Variants in KSR1 observed in about 807,000 individuals in gnomAD.
The protein encoded by KSR1 is kinase suppressor of ras.
A neutral mutation model predicts 92.9 loss-of-function variants in KSR1; 35 were observed. That is an observed-to-expected ratio of 0.38 (90% CI 0.29 to 0.50). The LOEUF is 0.50. Among genes scored for constraint, KSR1 ranks in the 20% least tolerant of loss-of-function variants. The pLI, the probability that KSR1 is intolerant of heterozygous loss-of-function variation, is 0.94. For synonymous variants in KSR1, 467 were observed against 472.6 expected, an observed-to-expected ratio of 0.99 and a Z score of 0.15; for missense variants, 972 against 1,158.5, an observed-to-expected ratio of 0.84 and a Z score of 2.34.
rs767301650 is a variant in KSR1 at position 27,605,556 on chromosome 17, G to A, written c.1737G>A (p.Val579=). 4 of 1,594,792 alleles carry A rather than the reference G, an allele frequency of 2.5e-6. No individual in the cohort carries two copies. The highest frequency in any genetic ancestry group is 3.5e-5 in the Admixed American group (2 of 56,838). Residue 579 remains valine, a synonymous_variant, in exon 14 of 21, where the codon GTG becomes GTA. Coordinates refer to ENST00000644974, the MANE Select transcript of KSR1 (RefSeq NM_001394583.1). ...CTCGCAAGGCCAGCCAGACCAGCGT[G>A]TACCTGCAGGAGTGGGACATCCCCT... ...PISRKASQTS[V]YLQEWDIPFE...
chr17:27,486,630 C>T (rs775373931), intron 1 of KSR1, among the ~76,000 whole-genome samples: 1 of 152,174 alleles, frequency 6.6e-6, no homozygotes, highest in African/African-American at 2.4e-5. Context: ...CTTCAAAGCT[C>T]GGAGTGCCAA....
At chr17:27,588,659 T>A in intron 6 of KSR1, 124 bp downstream of exon 6, 1 of 835,246 alleles carries the variant, frequency 1.2e-6, no homozygotes, top group Non-Finnish European at 1.8e-6. Context: ...CCATTTCACC[T>A]GTGGGACATG....
intron 1 of KSR1, among the ~76,000 whole-genome samples, chr17:27,496,627 T>A (rs1368172189): frequency 2.0e-5 from 3 of 152,164 alleles, no homozygotes; most frequent in Admixed American, 2.0e-4. Context: ...GGGTTGGGAC[T>A]GTGGGAAATT....
At chr17:27,611,653 G>A (rs767653812) in intron 18 of KSR1, 24 bp downstream of exon 18, 1 of 1,613,306 alleles carries the variant, frequency 6.2e-7, no homozygotes. Context: ...GCCCTGGGTG[G>A]AGCAGTAGGG....
intron 1 of KSR1, among the ~76,000 whole-genome samples, chr17:27,509,992 C>T (rs2069539151): frequency 6.6e-6 from 1 of 152,240 alleles, no homozygotes; most frequent in Non-Finnish European, 1.5e-5. Context: ...ATCATATAAT[C>T]CTAGTTTTGG....
At chr17:27,536,550 G>A (rs894850519) in intron 1 of KSR1, among the ~76,000 whole-genome samples, 2 of 152,178 alleles carry the variant, frequency 1.3e-5, no homozygotes, top group Non-Finnish European at 2.9e-5. Context: ...AATGAGGATC[G>A]TTCAGAAATG....
chr17:27,506,243 G>A (rs964479298), intron 1 of KSR1, among the ~76,000 whole-genome samples: 7 of 152,136 alleles, frequency 4.6e-5, no homozygotes, highest in Admixed American at 6.5e-5. Context: ...TGTGGCCTTG[G>A]CCCCTTGCTG....
intron 1 of KSR1, among the ~76,000 whole-genome samples, chr17:27,488,369 TTTTAATAGCTGATAACA>T (rs2068728591): frequency 6.6e-6 from 1 of 152,208 alleles, no homozygotes; most frequent in Non-Finnish European, 1.5e-5. Context: ...CTTGTTTTTT[TTTTAATAGCTGATAACA>T]TTTCCTCTAT....
chr17:27,464,918 T>C (rs2019612877), intron 1 of KSR1, among the ~76,000 whole-genome samples: 1 of 150,026 alleles, frequency 6.7e-6, no homozygotes. Context: ...AATACACTAA[T>C]GCTAACAATA....
At chr17:27,535,556 G>A (rs567086831) in intron 1 of KSR1, among the ~76,000 whole-genome samples, 29 of 152,280 alleles carry the variant, frequency 1.9e-4, no homozygotes, top group Middle Eastern at 3.4e-3. Flanking sequence ...TTGTTCCACG[G>A]GAAGCTTGCA....
At chr17:27,539,837 C>A (rs2070893609) in intron 1 of KSR1, among the ~76,000 whole-genome samples, 2 of 152,204 alleles carry the variant, frequency 1.3e-5, no homozygotes, top group Admixed American at 6.5e-5. Context: ...ACTGACTTTT[C>A]AAATAATTGC....
At chr17:27,489,062 T>A (rs79145616) in intron 1 of KSR1, among the ~76,000 whole-genome samples, 1,553 of 152,362 alleles carry the variant, frequency 0.01, 11 homozygotes, top group Non-Finnish European at 0.014. Flanking sequence ...ACGAAAGCCC[T>A]GCATGGCTCT....
At chr17:27,592,864 C>T (rs914107859) in intron 9 of KSR1, among the ~76,000 whole-genome samples, 2 of 152,200 alleles carry the variant, frequency 1.3e-5, no homozygotes, top group African/African-American at 4.8e-5. Context: ...TTCCTGTGTG[C>T]TTAGTGTGTA....
intron 14 of KSR1, among the ~76,000 whole-genome samples, chr17:27,607,428 T>A (rs765487410): frequency 6.6e-6 from 1 of 152,104 alleles, no homozygotes; most frequent in Non-Finnish European, 1.5e-5. Context: ...CCCTAACATC[T>A]ACCCCACCCC....
chr17:27,535,316 G>A (rs2070716130), intron 1 of KSR1, among the ~76,000 whole-genome samples: 1 of 152,174 alleles, frequency 6.6e-6, no homozygotes, highest in African/African-American at 2.4e-5. Context: ...CTGAGTGTGA[G>A]GTGCTGCGAC....
rs73983461 is a variant in KSR1, at chr17:27,532,917, G to A, written c.232-17651G>A. 4.9e-3 allele frequency among the ~76,000 whole-genome samples: 740 copies of A among 152,342 alleles called. 7 individuals carry two copies. Among genetic ancestry groups the A allele is most frequent in the African/African-American group, 0.017 (694 of 41,578 alleles). On this transcript the variant is annotated intron_variant, in intron 1 of 20. Coordinates refer to ENST00000644974, the MANE Select transcript of KSR1 (RefSeq NM_001394583.1). ...AGCGCCTCAAGCCTGGAGGGGCAGC[G>A]TGGGGCATCAGCCTCTTATGAGTTT...
intron 1 of KSR1, among the ~76,000 whole-genome samples, chr17:27,519,939 A>G (rs1049903140): frequency 1.3e-5 from 2 of 152,142 alleles, no homozygotes; most frequent in Admixed American, 6.5e-5. Context: ...TGGGGATAGT[A>G]ATACTGAACC....
intron 2 of KSR1, among the ~76,000 whole-genome samples, chr17:27,570,366 T>C (rs1286787241): frequency 6.6e-6 from 1 of 152,192 alleles, no homozygotes; most frequent in African/African-American, 2.4e-5. Flanking sequence ...CTCAGGCTGT[T>C]AGGAGGATTG....
At chr17:27,457,405 T>A (rs2019229292) in intron 1 of KSR1, among the ~76,000 whole-genome samples, 1 of 152,228 alleles carries the variant, frequency 6.6e-6, no homozygotes, top group Non-Finnish European at 1.5e-5. Context: ...GAAACTGCAT[T>A]TTTGTTATTC....
Sources: gnomAD v4.1 joint callset for allele counts (sites outside exome capture counted in the v4.1 genomes callset) on GRCh38, gnomAD v4.1.1 for gene constraint, MANE v1.5 for transcripts, NCBI Gene and HGNC (gene_info 2026-07-23, HGNC 2026-07-21) for gene names.